The following FSTL4 variants were observed in gnomAD, a reference collection of about 807,000 sequenced individuals.
The protein encoded by FSTL4 is follistatin like 4, also known as follistatin-related protein 4.
FSTL4 carries 28 observed loss-of-function variants against 78.2 expected under a neutral mutation model. The observed-to-expected ratio is 0.36, with a 90% confidence interval of 0.27 to 0.49. FSTL4 has a LOEUF of 0.49. FSTL4 is among the 20% of genes least tolerant of loss of function. The pLI is 0.98. For synonymous variants in FSTL4, 422 were observed against 440.5 expected (o/e 0.96, Z 0.53); for missense variants, 922 against 1,084.9 (o/e 0.85, Z 2.11).
At chr5:133,581,931 G>T (rs974401301) in intron 2 of FSTL4, among the ~76,000 whole-genome samples, 2 of 152,248 alleles carry the variant, frequency 1.3e-5, no homozygotes, top group Non-Finnish European at 2.9e-5. Flanking sequence ...ACAAACCTCT[G>T]CAGGTGCCAG....
chr5:133,511,964 A>G (rs1758743555), intron 3 of FSTL4, among the ~76,000 whole-genome samples: 1 of 152,080 alleles, frequency 6.6e-6, no homozygotes, highest in Non-Finnish European at 1.5e-5. Flanking sequence ...GCTTTGGACC[A>G]GTTCCAGTTT....
intron 4 of FSTL4, among the ~76,000 whole-genome samples, chr5:133,341,301 G>A (rs1309238242): frequency 1.4e-5 from 2 of 143,724 alleles, no homozygotes; most frequent in Non-Finnish European, 3.0e-5. Context: ...TAAAAAATAT[G>A]TGCAGGAATT....
chr5:133,468,986 T>C (rs888644913), intron 3 of FSTL4, among the ~76,000 whole-genome samples: 1 of 152,206 alleles, frequency 6.6e-6, no homozygotes, highest in Admixed American at 6.5e-5. Flanking sequence ...GGAAGGGCAG[T>C]ATTTGAAAGG....
At chr5:133,792,224 C>T in the FSTL4 span, among the ~76,000 whole-genome samples, 14 of 152,176 alleles carry the variant, frequency 9.2e-5, no homozygotes, top group Non-Finnish European at 2.1e-4. Flanking sequence ...AGCCTGCCCT[C>T]AGGCCCCACC....
the FSTL4 span, among the ~76,000 whole-genome samples, chr5:133,651,707 C>G: frequency 6.6e-6 from 1 of 151,692 alleles, no homozygotes; most frequent in Admixed American, 6.6e-5. Context: ...CAAGAATGTT[C>G]TCATCTATGT....
the FSTL4 span, among the ~76,000 whole-genome samples, chr5:133,646,684 AATTGATGG>A: frequency 6.6e-6 from 1 of 152,062 alleles, no homozygotes; most frequent in Non-Finnish European, 1.5e-5. Context: ...AACTGTCAGG[AATTGATGG>A]ATATGGGATA....
Position 133,347,644 on chromosome 5 carries a change from C to G in FSTL4, c.410-30992G>C, listed in dbSNP as rs534497757. 1.4e-4 allele frequency among the ~76,000 whole-genome samples: 22 copies of G among 152,312 alleles called. 1 individual carries two copies. In the South Asian group the frequency reaches 4.6e-3, roughly 32 times the overall value. On this transcript the variant is annotated intron_variant, in intron 4 of 15. Coordinates refer to ENST00000265342, the MANE Select transcript of FSTL4 (RefSeq NM_015082.2). The stretch of plus-strand genomic sequence containing the variant: ...AAAGTGCTGCGATTATAGGCATGAG[C>G]CACTGAGCTCAGCCTTGACTTTCAA...
rs201407863 is a variant in FSTL4 at position 133,227,174 on chromosome 5, CCA to C, written c.1016-1357_1016-1356del. ...TGAGCTCAGGGCACCCAATGCCAAACCACACAGAGACCCAAAACAATAAAGTC... is the reference window on the plus strand; with the variant it reads ...TGAGCTCAGGGCACCCAATGCCAAACCACAGAGACCCAAAACAATAAAGTC... On this transcript the variant is annotated intron_variant, in intron 8 of 15. Coordinates refer to ENST00000265342, the MANE Select transcript of FSTL4 (RefSeq NM_015082.2). Among the ~76,000 whole-genome samples, 785 of 152,302 alleles carry C rather than the reference CCA, an allele frequency of 5.2e-3. 7 individuals carry two copies. The highest frequency in any genetic ancestry group is 0.018 in the African/African-American group (747 of 41,556).
chr5:133,729,291 G>A, the FSTL4 span, among the ~76,000 whole-genome samples: 1 of 151,874 alleles, frequency 6.6e-6, no homozygotes, highest in Non-Finnish European at 1.5e-5. Context: ...CCATATAACT[G>A]AAGGGCTTTG....
intron 3 of FSTL4, among the ~76,000 whole-genome samples, chr5:133,455,071 G>A (rs1363837845): frequency 6.6e-6 from 1 of 152,230 alleles, no homozygotes; most frequent in Non-Finnish European, 1.5e-5. Flanking sequence ...TGAGTGTCAG[G>A]CTCCATACTA....
chr5:133,319,055 G>A (rs1210623785), intron 4 of FSTL4, among the ~76,000 whole-genome samples: 1 of 152,204 alleles, frequency 6.6e-6, no homozygotes, highest in African/African-American at 2.4e-5. Context: ...ACTGGCAGGT[G>A]GGGGAAACCA....
rs144664634 is a variant in FSTL4 at position 133,199,690 on chromosome 5, T to C, written c.1934A>G (p.Gln645Arg). Residue 645 changes from glutamine to arginine, a missense_variant, in exon 16 of 16, where the codon CAG (glutamine) becomes CGG (arginine). Gln to Arg is a conservative substitution (Grantham distance 43, BLOSUM62 1). Transcript: ENST00000265342. This position sits in a 1 kb window ranked among gnomAD's most constrained non-coding sequence, Gnocchi z 4.4. Reference sequence around the variant, plus strand: ...GCCCAGGTGGGTGTGTGCCATGGCCTGGGGCACGCAGCCATGGTGGTGCAG... The same window carrying C: ...GCCCAGGTGGGTGTGTGCCATGGCCCGGGGCACGCAGCCATGGTGGTGCAG... ...IGLHHHGCVP[Q>R]AMAHTHLGGY... 7.1e-5 allele frequency: 114 copies of C among 1,613,606 alleles called. No individual in the cohort carries two copies. Among genetic ancestry groups the C allele is most frequent in the Non-Finnish European group, 9.4e-5 (111 of 1,179,648 alleles).
At position 133,316,509 on chromosome 5, in the gene FSTL4, C is replaced by T. The variant is rs747285076; in HGVS notation, c.553G>A (p.Asp185Asn). 1.9e-6 allele frequency: 3 copies of T among 1,614,164 alleles called. No homozygotes were observed. Among genetic ancestry groups the T allele is most frequent in the South Asian group, 1.1e-5 (1 of 91,072 alleles). ...KRLLVESLFR[D>N]LDADGNGHLS... ...TGGCCATTGCCATCTGCATCTAAGT[C>T]CCTGAACAGAGATTCCACCAGGAGG... The change falls in exon 5 of 16, where the codon GAC (aspartate) becomes AAC (asparagine). Residue 185 changes from aspartate to asparagine, a missense_variant. Asp to Asn is a conservative substitution (Grantham distance 23). Coordinates refer to ENST00000265342, the MANE Select transcript of FSTL4 (RefSeq NM_015082.2).
At chr5:133,722,039 C>T in the FSTL4 span, among the ~76,000 whole-genome samples, 1 of 151,870 alleles carries the variant, frequency 6.6e-6, no homozygotes, top group Non-Finnish European at 1.5e-5. Flanking sequence ...ATTTCTTCTG[C>T]TTGATCAAAT....
At chr5:133,339,426 A>G (rs1754537349) in intron 4 of FSTL4, among the ~76,000 whole-genome samples, 2 of 151,760 alleles carry the variant, frequency 1.3e-5, no homozygotes, top group Non-Finnish European at 2.9e-5. Context: ...CACTATCCTG[A>G]CCACTCCTGG....
At chr5:133,344,203 C>T (rs1580635235) in intron 4 of FSTL4, among the ~76,000 whole-genome samples, 1 of 151,388 alleles carries the variant, frequency 6.6e-6, no homozygotes, top group Admixed American at 6.6e-5. Context: ...CCATAAAAAA[C>T]AAAAACTGCA....
chr5:133,701,384 T>C, the FSTL4 span, among the ~76,000 whole-genome samples: 1 of 115,024 alleles, frequency 8.7e-6, no homozygotes, highest in Non-Finnish European at 1.7e-5. Context: ...GCCCGGGCAA[T>C]AGAGGAAGAG....
At chr5:133,663,764 C>A in the FSTL4 span, among the ~76,000 whole-genome samples, 1 of 152,352 alleles carries the variant, frequency 6.6e-6, no homozygotes, top group East Asian at 1.9e-4. Flanking sequence ...TGGTGCTGTG[C>A]CTTGAGGCAA....
the FSTL4 span, among the ~76,000 whole-genome samples, chr5:133,791,268 A>C: frequency 6.9e-6 from 1 of 144,844 alleles, no homozygotes; most frequent in African/African-American, 2.6e-5. Flanking sequence ...ACCTGCATGC[A>C]CATGTGCGTG....
Sources: allele counts gnomAD v4.1 joint callset (sites outside exome capture counted in the v4.1 genomes callset), GRCh38; gene constraint gnomAD v4.1.1; non-coding constraint Gnocchi (gnomAD v3.1); transcripts MANE v1.5; gene names NCBI Gene and HGNC (gene_info 2026-07-23, HGNC 2026-07-21).